The following LIPF variants were observed in gnomAD, a reference collection of about 807,000 sequenced individuals.
The protein encoded by LIPF is lipase F, gastric type, also known as gastric triacylglycerol lipase.
In LIPF, 25 loss-of-function variants were observed where a neutral mutation model predicts 38.0. The ratio of observed to expected loss-of-function variants is 0.66; its 90% CI spans 0.48 to 0.92. The LOEUF (loss-of-function observed/expected upper bound fraction) is 0.92. Among genes scored for constraint, LIPF ranks in the 40% least tolerant of loss-of-function variants. The probability of loss-of-function intolerance (pLI) is 0.00; values close to 1 mark genes in which losing one functional copy is unlikely to be tolerated. For missense variants in LIPF, 410 were observed against 469.9 expected (o/e 0.87, Z 1.18); for synonymous variants, 161 against 156.2 (o/e 1.03, Z -0.23).
intron 8 of LIPF, 125 bp downstream of exon 8, chr10:88,675,782 C>T (rs1841677442): frequency 1.8e-6 from 1 of 564,900 alleles, no homozygotes; most frequent in African/African-American, 1.9e-5. Flanking sequence ...GCACTGACTA[C>T]CATACAAAAA....
chr10:88,665,737 A>AT (rs68081693), intron 1 of LIPF, among the ~76,000 whole-genome samples: 15,847 of 100,148 alleles, frequency 0.16, 1,883 homozygotes, highest in Non-Finnish European at 0.22. Flanking sequence ...TTAAAAACTG[A>AT]TTTTTTTTTT....
intron 6 of LIPF, 130 bp from the exon 7 acceptor site, chr10:88,673,458 C>T (rs555979599): frequency 1.3e-6 from 1 of 776,706 alleles, no homozygotes; most frequent in East Asian, 2.6e-5. Flanking sequence ...TTGGAAATTC[C>T]TAAAACAACA....
chr10:88,669,875 T>A lies in LIPF; in HGVS notation c.461T>A (p.Ile154Asn). Residue 154 changes from isoleucine to asparagine, a missense_variant, in exon 5 of 10, where the codon ATC (isoleucine) becomes AAC (asparagine). Coordinates refer to ENST00000238983, the MANE Select transcript of LIPF (RefSeq NM_004190.4). ...GCTAAATATGACCTTCCAGCCACAA[T>A]CGACTTCATTGTAAAGAAAACTGGA... ...EMAKYDLPAT[I>N]DFIVKKTGQK... 1 of 1,613,650 alleles carries A rather than the reference T, an allele frequency of 6.2e-7. No individual in the cohort carries two copies. The highest frequency in any genetic ancestry group is 8.5e-7 in the Non-Finnish European group (1 of 1,179,632).
chr10:88,665,551 A>G lies in LIPF; in HGVS notation c.-12+1060A>G, dbSNP rs1205005734. On this transcript the variant is annotated intron_variant, in intron 1 of 9. Coordinates refer to ENST00000238983, the MANE Select transcript of LIPF (RefSeq NM_004190.4). ...TTTGAGCCCATTGAGATGTTCTCCAACGCAAACAGTAGGTTAAGTGTCCTC... is the reference window on the plus strand; with the variant it reads ...TTTGAGCCCATTGAGATGTTCTCCAGCGCAAACAGTAGGTTAAGTGTCCTC... 4.6e-6 allele frequency: 7 copies of G among 1,535,282 alleles called. 1 individual carries two copies. The South Asian group carries it at 8.3e-5, about 18-fold the overall frequency.
chr10:88,674,349 T>C (rs1841652967), intron 7 of LIPF, among the ~76,000 whole-genome samples: 4 of 151,654 alleles, frequency 2.6e-5, no homozygotes, highest in Admixed American at 2.6e-4. Context: ...TTTGTATTTT[T>C]AGTACAGTCG....
At chr10:88,665,911 G>A (rs914542048) in intron 1 of LIPF, among the ~76,000 whole-genome samples, 3 of 151,808 alleles carry the variant, frequency 2.0e-5, no homozygotes, top group Admixed American at 1.3e-4. Context: ...TAATTTTTTT[G>A]TATTTTTAGT....
intron 7 of LIPF, among the ~76,000 whole-genome samples, chr10:88,674,457 C>T (rs571641657): frequency 1.3e-5 from 2 of 152,290 alleles, no homozygotes; most frequent in East Asian, 1.9e-4. Context: ...CGTGAGCCAC[C>T]ACGCCCGGCT....
rs1841571409 is a variant in LIPF, at chr10:88,670,017, G to A, written c.532+71G>A. The A allele has an allele frequency of 1.5e-5, 14 of 908,810 alleles. No individual in the cohort carries two copies. The South Asian group carries it at 1.9e-4, about 13-fold the overall frequency. 56.3% of individuals were successfully genotyped at this position (908,810 alleles called of 1,614,324 possible). A position where few individuals can be genotyped will look rare whatever the true frequency, so the allele number is the denominator to read the frequency against. On this transcript the variant is annotated intron_variant, in intron 5 of 9. Coordinates refer to ENST00000238983, the MANE Select transcript of LIPF (RefSeq NM_004190.4). ...CTTTCCCAGTGGTTATGGTAGGCATGTTAGCAACCACACTAATTGCTTTCC... is the reference window on the plus strand; with the variant it reads ...CTTTCCCAGTGGTTATGGTAGGCATATTAGCAACCACACTAATTGCTTTCC...
intron 7 of LIPF, 27 bp from the exon 8 acceptor site, chr10:88,675,559 A>G (rs142424259): frequency 1.3e-6 from 2 of 1,530,426 alleles, no homozygotes; most frequent in East Asian, 2.3e-5. Context: ...TAGTATGTAT[A>G]TAATATGTGT....
Position 88,676,195 on chromosome 10 carries a change from T to G in LIPF, c.889-14T>G, listed in dbSNP as rs750423202. On this transcript the variant is annotated splice_polypyrimidine_tract_variant and intron_variant, in intron 8 of 9. Transcript: ENST00000238983. ...ATAATTTTTATTTGTTTGCTTTTAA[T>G]TTCTCTATGTTAGGCTGTTAAGTCT... 1 of 1,523,188 alleles carries G rather than the reference T, an allele frequency of 6.6e-7. No individual in the cohort carries two copies. The highest frequency in any genetic ancestry group is 8.9e-7 in the Non-Finnish European group (1 of 1,117,918). The allele number at this position is 1,523,188 out of a possible 1,614,324, so 94.4% of individuals were successfully genotyped here.
At chr10:88,677,155 T>G (rs1029521787) in intron 9 of LIPF, among the ~76,000 whole-genome samples, 1 of 152,224 alleles carries the variant, frequency 6.6e-6, no homozygotes, top group Admixed American at 6.5e-5. Flanking sequence ...CAATGTCTTA[T>G]GTGTAGAGAA....
rs768207904 is a variant in LIPF at position 88,678,532 on chromosome 10, G to T, written c.1048G>T (p.Asp350Tyr). The change falls in exon 10 of 10, where the codon GAT (aspartate) becomes TAT (tyrosine). Residue 350 changes from aspartate to tyrosine, a missense_variant. Coordinates refer to ENST00000238983, the MANE Select transcript of LIPF (RefSeq NM_004190.4). ...GGKDLLADPQ[D>Y]VGLLLPKLPN... ...CAAGGACCTGTTGGCTGACCCCCAA[G>T]ATGTTGGCCTTTTGCTTCCAAAACT... The T allele has an allele frequency of 1.9e-6, 3 of 1,614,018 alleles. No individual in the cohort carries two copies. The highest frequency in any genetic ancestry group is 8.5e-7 in the Non-Finnish European group (1 of 1,179,956).
Position 88,673,692 on chromosome 10 carries a change from C to T in LIPF, c.774C>T (p.Ala258=). ...REMLNLLCSN[A]LFIICGFDSK... is the part of the protein sequence containing the mutation. ...TGCTGAATCTCCTTTGCAGCAATGC[C>T]TTATTTATAATTTGTGGATTTGACA... The change falls in exon 7 of 10, where the codon GCC becomes GCT. Residue 258 remains alanine, a synonymous_variant. Transcript: ENST00000238983. The T allele has an allele frequency of 6.2e-7, 1 of 1,613,220 alleles. No homozygotes were observed.
intron 5 of LIPF, among the ~76,000 whole-genome samples, chr10:88,671,119 G>A (rs1273530223): frequency 1.3e-5 from 2 of 152,138 alleles, no homozygotes; most frequent in Non-Finnish European, 2.9e-5. Flanking sequence ...TCATCTGCCA[G>A]TATACTACTG....
chr10:88,675,752 C>A, intron 8 of LIPF, 95 bp downstream of exon 8: 1 of 768,404 alleles, frequency 1.3e-6, no homozygotes, highest in Non-Finnish European at 2.1e-6. Flanking sequence ...GCTGAGTACA[C>A]CTGGAAGGTA....
Position 88,678,813 on chromosome 10 carries a change from A to T in LIPF, c.*132A>T, listed in dbSNP as rs1403157788. ...CTTTAGAAATATATTGGCATCAACA[A>T]ACTTCCATTTGTCATTTTGAATTTT... On this transcript the variant is annotated 3_prime_UTR_variant, in exon 10 of 10. Coordinates refer to ENST00000238983, the MANE Select transcript of LIPF (RefSeq NM_004190.4). 4 of 617,594 alleles carry T rather than the reference A, an allele frequency of 6.5e-6. No homozygotes were observed. The highest frequency in any genetic ancestry group is 1.1e-5 in the Non-Finnish European group (4 of 360,220). The allele number at this position is 617,594 out of a possible 1,614,324, so 38.3% of individuals were successfully genotyped here. A position where few individuals can be genotyped will look rare whatever the true frequency, so the allele number is the denominator to read the frequency against.
At chr10:88,676,012 A>C (rs1841680742) in intron 8 of LIPF, among the ~76,000 whole-genome samples, 197 bp from the exon 9 acceptor site, 1 of 152,192 alleles carries the variant, frequency 6.6e-6, no homozygotes, top group Non-Finnish European at 1.5e-5. Context: ...CTTGGTATGC[A>C]AGAAAAATTA....
intron 6 of LIPF, 137 bp from the exon 7 acceptor site, chr10:88,673,451 G>T (rs1173313934): frequency 1.4e-6 from 1 of 731,040 alleles, no homozygotes; most frequent in Non-Finnish European, 2.3e-6. Flanking sequence ...GAAAGTATTG[G>T]AAATTCCTAA....
At chr10:88,672,997 C>T (rs893132350) in intron 6 of LIPF, among the ~76,000 whole-genome samples, 1 of 152,124 alleles carries the variant, frequency 6.6e-6, no homozygotes, top group African/African-American at 2.4e-5. Flanking sequence ...AAGTTAGAGG[C>T]TTGGGTAAGG....
Sources: gnomAD v4.1 joint callset for allele counts (sites outside exome capture counted in the v4.1 genomes callset) on GRCh38, gnomAD v4.1.1 for gene constraint, MANE v1.5 for transcripts, NCBI Gene and HGNC (gene_info 2026-07-23, HGNC 2026-07-21) for gene names.